The following NFIA variants were observed in gnomAD, a reference collection of about 807,000 sequenced individuals.
NFIA encodes nuclear factor 1 A-type.
NFIA carries 8 observed loss-of-function variants against 62.8 expected under a neutral mutation model. That is an observed-to-expected ratio of 0.13 (90% CI 0.07 to 0.23). NFIA has a LOEUF of 0.23. Among genes scored for constraint, NFIA ranks in the 10% least tolerant of loss-of-function variants. The pLI is 1.00. For missense variants in NFIA, 410 were observed against 642.1 expected, an observed-to-expected ratio of 0.64 and a Z score of 3.91; for synonymous variants, 235 against 238.1, an observed-to-expected ratio of 0.99 and a Z score of 0.12.
intron 2 of NFIA, among the ~76,000 whole-genome samples, chr1:61,275,572 A>G (rs565436678): frequency 6.6e-6 from 1 of 152,172 alleles, no homozygotes; most frequent in Non-Finnish European, 1.5e-5. Flanking sequence ...ATAGAGATGT[A>G]TGTTTGCTAG....
intron 4 of NFIA, among the ~76,000 whole-genome samples, chr1:61,338,060 C>T (rs1023390521): frequency 4.6e-5 from 7 of 152,210 alleles, no homozygotes; most frequent in Non-Finnish European, 8.8e-5. Context: ...CTCTAATTTT[C>T]TAGCGGCGGT....
intron 9 of NFIA, among the ~76,000 whole-genome samples, chr1:61,416,345 A>T (rs1052677566): frequency 3.3e-4 from 50 of 152,182 alleles, no homozygotes; most frequent in African/African-American, 1.1e-3. Context: ...CACATGGGGG[A>T]GTTCATAAAA....
intron 3 of NFIA, among the ~76,000 whole-genome samples, chr1:61,323,937 A>G (rs1358609040): frequency 1.3e-5 from 2 of 152,156 alleles, no homozygotes; most frequent in Non-Finnish European, 2.9e-5. Flanking sequence ...GAGATAATAC[A>G]TATAAACAAA....
intron 7 of NFIA, among the ~76,000 whole-genome samples, chr1:61,396,063 T>C (rs1665253374): frequency 6.6e-6 from 1 of 152,214 alleles, no homozygotes; most frequent in Non-Finnish European, 1.5e-5. Flanking sequence ...AGAGAGTATT[T>C]AGTCCAAGCT....
chr1:61,253,632 T>G (rs1284762174), intron 2 of NFIA: 1 of 152,204 alleles, frequency 6.6e-6, no homozygotes, highest in Non-Finnish European at 1.5e-5. Flanking sequence ...AGTGTTCAAA[T>G]AAGGAAGAGA....
At chr1:61,146,724 C>T (rs1003233333) in intron 2 of NFIA, among the ~76,000 whole-genome samples, 32 of 152,168 alleles carry the variant, frequency 2.1e-4, no homozygotes, top group African/African-American at 7.7e-4. Context: ...TCCCCATACC[C>T]TCCACCCCCA....
At chr1:61,338,011 G>C (rs577687558) in intron 4 of NFIA, among the ~76,000 whole-genome samples, 1 of 142,180 alleles carries the variant, frequency 7.0e-6, no homozygotes, top group African/African-American at 2.6e-5. Flanking sequence ...GAGGAAAACC[G>C]CAAATACACA....
At chr1:61,268,802 G>A (rs1233185390) in intron 2 of NFIA, among the ~76,000 whole-genome samples, 1 of 152,132 alleles carries the variant, frequency 6.6e-6, no homozygotes, top group African/African-American at 2.4e-5. Flanking sequence ...TTTTGCAGGT[G>A]TGTCATCTGA....
At chr1:61,446,749 A>C (rs1203472330) in intron 10 of NFIA, among the ~76,000 whole-genome samples, 1 of 152,158 alleles carries the variant, frequency 6.6e-6, no homozygotes, top group Non-Finnish European at 1.5e-5. Flanking sequence ...TTTTTACTTC[A>C]ATGTTATTTT....
chr1:61,082,663 TC>T lies in NFIA; in HGVS notation c.-128del. 1.3e-6 allele frequency: 2 copies of T among 1,523,744 alleles called. No homozygotes were observed. Among genetic ancestry groups the T allele is most frequent in the Non-Finnish European group, 8.8e-7 (1 of 1,132,334 alleles). 94.4% of individuals were successfully genotyped at this position (1,523,744 alleles called of 1,614,324 possible). Reference sequence around the variant, plus strand: ...GCAAGAAGCAGGCTTGATTTTTTTTTCTCCCCCCTTCTCTCTCTCTCTCTCT... The same window carrying T: ...GCAAGAAGCAGGCTTGATTTTTTTTTTCCCCCCTTCTCTCTCTCTCTCTCT... On this transcript the variant is annotated 5_prime_UTR_variant, in exon 1 of 11. Coordinates refer to ENST00000403491, the MANE Select transcript of NFIA (RefSeq NM_001134673.4).
At chr1:61,417,549 A>G (rs1168693750) in intron 9 of NFIA, among the ~76,000 whole-genome samples, 1 of 151,958 alleles carries the variant, frequency 6.6e-6, no homozygotes, top group Non-Finnish European at 1.5e-5. Flanking sequence ...TGCTAATACA[A>G]ACAGTATGAA....
intron 10 of NFIA, among the ~76,000 whole-genome samples, chr1:61,453,988 G>A (rs1285179885): frequency 6.6e-6 from 1 of 152,156 alleles, no homozygotes; most frequent in Non-Finnish European, 1.5e-5. Context: ...AACTCCTCTG[G>A]AAATCAAAGG....
At chr1:61,239,158 T>G (rs1360860679) in intron 2 of NFIA, among the ~76,000 whole-genome samples, 1 of 152,236 alleles carries the variant, frequency 6.6e-6, no homozygotes, top group African/African-American at 2.4e-5. Context: ...ATGACACTTT[T>G]AATTTTAAAT....
chr1:61,372,391 A>C (rs1323297494), intron 6 of NFIA, among the ~76,000 whole-genome samples: 2 of 152,134 alleles, frequency 1.3e-5, no homozygotes, highest in Non-Finnish European at 2.9e-5. Context: ...TAATAATTGT[A>C]CTCATAAGTA....
intron 4 of NFIA, among the ~76,000 whole-genome samples, chr1:61,344,130 A>G (rs1282942867): frequency 6.6e-6 from 1 of 152,226 alleles, no homozygotes; most frequent in Non-Finnish European, 1.5e-5. Context: ...GAGATAACAA[A>G]GGAGTTGAAT....
intron 10 of NFIA, chr1:61,439,597 T>C (rs1176102837): frequency 2.0e-5 from 3 of 152,178 alleles, no homozygotes; most frequent in Non-Finnish European, 2.9e-5. Context: ...ACGGAATGCC[T>C]CCCATCAATA....
chr1:61,163,850 A>G lies in NFIA; in HGVS notation c.559+75170A>G, dbSNP rs368644699. On this transcript the variant is annotated intron_variant, in intron 2 of 10. Transcript: ENST00000403491. ...TAAAGGAATGAAGTAGGCCATAGAC[A>G]TAGCAACAGCCCATGTCCCATTGAA... Among the ~76,000 whole-genome samples the G allele has an allele frequency of 4.4e-4, 67 of 152,350 alleles. 1 individual carries two copies. The East Asian group carries it at 7.0e-3, about 16-fold the overall frequency.
chr1:61,167,180 C>T (rs926033168), intron 2 of NFIA, among the ~76,000 whole-genome samples: 2 of 152,250 alleles, frequency 1.3e-5, no homozygotes, highest in East Asian at 3.9e-4. Flanking sequence ...TAAGACATTT[C>T]TTATGTTCCC....
chr1:61,350,519 C>T (rs981896030), intron 4 of NFIA, among the ~76,000 whole-genome samples: 1 of 152,076 alleles, frequency 6.6e-6, no homozygotes, highest in African/African-American at 2.4e-5. Flanking sequence ...ACCTGTGGTC[C>T]CAGCTATTCC....
Sources: gnomAD v4.1 joint callset for allele counts (sites outside exome capture counted in the v4.1 genomes callset) on GRCh38, gnomAD v4.1.1 for gene constraint, MANE v1.5 for transcripts, NCBI Gene and HGNC (gene_info 2026-07-23, HGNC 2026-07-21) for gene names.